Variants in NRXN3 observed in about 807,000 individuals in gnomAD.
The protein encoded by NRXN3 is neurexin 3.
NRXN3 carries 32 observed loss-of-function variants against 137.6 expected under a neutral mutation model. That is an observed-to-expected ratio of 0.23 (90% CI 0.18 to 0.31). The LOEUF (loss-of-function observed/expected upper bound fraction) is 0.31. Among genes scored for constraint, NRXN3 ranks in the 10% least tolerant of loss-of-function variants. The probability of loss-of-function intolerance (pLI) is 1.00; values close to 1 mark genes in which losing one functional copy is unlikely to be tolerated. For missense variants in NRXN3, 1,574 were observed against 2,062.5 expected (o/e 0.76, Z 4.59); for synonymous variants, 798 against 784.5 (o/e 1.02, Z -0.29).
At chr14:79,117,462 T>C (rs2054634660) in intron 15 of NRXN3, among the ~76,000 whole-genome samples, 2 of 152,206 alleles carry the variant, frequency 1.3e-5, no homozygotes, top group Admixed American at 6.5e-5. Flanking sequence ...ATGGACATGT[T>C]CTGGATCCTA....
chr14:79,468,964 AG>A (rs1319300880), intron 16 of NRXN3, among the ~76,000 whole-genome samples: 1 of 152,228 alleles, frequency 6.6e-6, no homozygotes, highest in African/African-American at 2.4e-5. Flanking sequence ...AGGAGCAAAA[AG>A]AAAGGCAGCC....
At chr14:78,281,480 G>A (rs1278995575) in intron 3 of NRXN3, among the ~76,000 whole-genome samples, 1 of 152,104 alleles carries the variant, frequency 6.6e-6, no homozygotes, top group Non-Finnish European at 1.5e-5. Flanking sequence ...GGGGCCTGGT[G>A]GGCAACACCT....
intron 10 of NRXN3, among the ~76,000 whole-genome samples, chr14:78,849,255 A>G (rs2099036136): frequency 6.6e-6 from 1 of 152,034 alleles, no homozygotes; most frequent in Admixed American, 6.6e-5. Context: ...TGAGAAGATA[A>G]TGTATCTTTA....
At chr14:79,645,363 C>CA (rs2098448601) in intron 16 of NRXN3, among the ~76,000 whole-genome samples, 1 of 134,814 alleles carries the variant, frequency 7.4e-6, no homozygotes, top group African/African-American at 2.5e-5. Flanking sequence ...TATTCATAAT[C>CA]CCAGCATTTT....
chr14:78,596,252 C>T (rs1341961647), intron 4 of NRXN3, among the ~76,000 whole-genome samples: 3 of 152,156 alleles, frequency 2.0e-5, no homozygotes, highest in Non-Finnish European at 4.4e-5. Context: ...CATTTGGATG[C>T]TGATTTTTTT....
intron 20 of NRXN3, among the ~76,000 whole-genome samples, chr14:79,838,108 TG>T (rs3215404): frequency 0.28 from 42,680 of 151,996 alleles, 6,669 homozygotes; most frequent in Non-Finnish European, 0.36. Flanking sequence ...CTCAGCTTTT[TG>T]AGGGACCCAA....
At chr14:78,920,717 T>C (rs749252399) in intron 10 of NRXN3, among the ~76,000 whole-genome samples, 17 of 152,270 alleles carry the variant, frequency 1.1e-4, no homozygotes, top group Non-Finnish European at 2.1e-4. Context: ...ACCCCTCAGT[T>C]TCCATAATTC....
At chr14:78,576,330 A>G (rs2096935583) in intron 4 of NRXN3, among the ~76,000 whole-genome samples, 1 of 152,146 alleles carries the variant, frequency 6.6e-6, no homozygotes, top group African/African-American at 2.4e-5. Context: ...CATGAACAAC[A>G]CCAGTGGTTT....
Position 79,234,316 on chromosome 14 carries a change from A to AT in NRXN3, c.3263-232904dup, listed in dbSNP as rs1282173453. 8.9e-3 allele frequency among the ~76,000 whole-genome samples: 1,057 copies of AT among 119,084 alleles called. 54 individuals are homozygous for AT. The highest frequency in any genetic ancestry group is 0.032 in the African/African-American group (1,006 of 31,018). 78.1% of individuals were successfully genotyped at this position (119,084 alleles called of 152,430 possible). On this transcript the variant is annotated intron_variant, in intron 15 of 20. Coordinates refer to ENST00000335750, the MANE Select transcript of NRXN3 (RefSeq NM_001330195.2). ...TAAATATATATATATATATATATAT[A>AT]TATATATATATATATATATATATAA...
At chr14:78,288,001 A>G (rs972974997) in intron 3 of NRXN3, among the ~76,000 whole-genome samples, 4 of 150,012 alleles carry the variant, frequency 2.7e-5, no homozygotes, top group South Asian at 2.1e-4. Context: ...TTTTTTTGAG[A>G]TGGAGTCTTG....
rs78221843 is a variant in NRXN3 at position 79,261,780 on chromosome 14, T to A, written c.3263-205441T>A. On this transcript the variant is annotated intron_variant, in intron 15 of 20. Coordinates refer to ENST00000335750, the MANE Select transcript of NRXN3 (RefSeq NM_001330195.2). Reference sequence around the variant, plus strand: ...TTGGCCTCTAATGAGACTGCAATCCTGCGGGCAAGTTGTGGTTCTCATGGG... The same window carrying A: ...TTGGCCTCTAATGAGACTGCAATCCAGCGGGCAAGTTGTGGTTCTCATGGG... Among the ~76,000 whole-genome samples, 1,232 of 152,154 alleles carry A rather than the reference T, an allele frequency of 8.1e-3. 22 individuals are homozygous for A. The highest frequency in any genetic ancestry group is 0.077 in the South Asian group (368 of 4,800).
chr14:78,980,865 C>G (rs927531849), intron 14 of NRXN3, among the ~76,000 whole-genome samples: 1 of 152,110 alleles, frequency 6.6e-6, no homozygotes, highest in Non-Finnish European at 1.5e-5. Flanking sequence ...AGAAAGTCAC[C>G]ATCTTTTCTC....
chr14:78,426,788 A>G (rs1262338699), intron 4 of NRXN3, among the ~76,000 whole-genome samples: 1 of 151,976 alleles, frequency 6.6e-6, no homozygotes, highest in Non-Finnish European at 1.5e-5. Flanking sequence ...GTTTTCTCAA[A>G]TTTTTTTAGA....
intron 15 of NRXN3, among the ~76,000 whole-genome samples, chr14:79,183,769 C>G (rs1243266171): frequency 6.6e-6 from 1 of 152,208 alleles, no homozygotes; most frequent in Non-Finnish European, 1.5e-5. Context: ...TTTTGCTTAC[C>G]TGACAAGCTC....
At chr14:78,547,174 A>T (rs1408997615) in intron 4 of NRXN3, among the ~76,000 whole-genome samples, 1 of 151,638 alleles carries the variant, frequency 6.6e-6, no homozygotes, top group African/African-American at 2.4e-5. Flanking sequence ...TCTGATATCT[A>T]TGAAGTCCAG....
chr14:79,749,426 C>T (rs893299275), intron 19 of NRXN3, among the ~76,000 whole-genome samples: 2 of 125,230 alleles, frequency 1.6e-5, no homozygotes, highest in African/African-American at 5.7e-5. Flanking sequence ...TGCTTCCAAG[C>T]TTCAGTGTTG....
intron 16 of NRXN3, among the ~76,000 whole-genome samples, chr14:79,532,193 A>C (rs1347384102): frequency 1.3e-5 from 2 of 152,232 alleles, no homozygotes; most frequent in African/African-American, 2.4e-5. Flanking sequence ...TTTATAGCAT[A>C]TATGGAGCAA....
chr14:78,230,663 G>A (rs769363430), intron 1 of NRXN3, among the ~76,000 whole-genome samples: 29 of 152,154 alleles, frequency 1.9e-4, no homozygotes, highest in Non-Finnish European at 3.5e-4. Flanking sequence ...AAATTGCAAA[G>A]ACTCTGAGGT....
At chr14:78,208,944 C>G (rs2062473839) in intron 1 of NRXN3, among the ~76,000 whole-genome samples, 1 of 152,134 alleles carries the variant, frequency 6.6e-6, no homozygotes, top group Non-Finnish European at 1.5e-5. Flanking sequence ...CCAGTATCTC[C>G]TGTAGTAGAT....
Sources: allele counts gnomAD v4.1 joint callset (sites outside exome capture counted in the v4.1 genomes callset), GRCh38; gene constraint gnomAD v4.1.1; transcripts MANE v1.5; gene names NCBI Gene and HGNC (gene_info 2026-07-23, HGNC 2026-07-21).